The following PCSK2 variants were observed in gnomAD, a reference collection of about 807,000 sequenced individuals.
The protein encoded by PCSK2 is proprotein convertase subtilisin/kexin type 2.
In PCSK2, 14 loss-of-function variants were observed where a neutral mutation model predicts 69.7. The observed-to-expected ratio is 0.20, with a 90% CI of 0.13 to 0.31. The LOEUF (loss-of-function observed/expected upper bound fraction) is 0.31. PCSK2 is among the 10% of genes least tolerant of loss of function. PCSK2 has a pLI of 1.00. For synonymous variants in PCSK2, 307 were observed against 320.7 expected, an observed-to-expected ratio of 0.96 and a Z score of 0.46; for missense variants, 544 against 842.5, an observed-to-expected ratio of 0.65 and a Z score of 4.39.
chr20:17,335,857 G>GGTGT (rs3138653), intron 2 of PCSK2, among the ~76,000 whole-genome samples: 34,835 of 142,502 alleles, frequency 0.24, 4,213 homozygotes, highest in Non-Finnish European at 0.28. Flanking sequence ...AGTAGTCCAT[G>GGTGT]GTGTGTGTGT....
intron 2 of PCSK2, among the ~76,000 whole-genome samples, chr20:17,323,154 C>T (rs373185585): frequency 1.4e-4 from 22 of 152,250 alleles, no homozygotes; most frequent in South Asian, 1.0e-3. Flanking sequence ...CGTGAGTCAC[C>T]GCACCCAGCC....
At chr20:17,398,304 C>T (rs1357974785) in intron 5 of PCSK2, among the ~76,000 whole-genome samples, 2 of 151,976 alleles carry the variant, frequency 1.3e-5, no homozygotes, top group Admixed American at 1.3e-4. Context: ...GTGGGAGGGT[C>T]GCTTGAGGCC....
intron 2 of PCSK2, among the ~76,000 whole-genome samples, chr20:17,295,944 G>A (rs1988878717): frequency 6.6e-6 from 1 of 152,172 alleles, no homozygotes; most frequent in Non-Finnish European, 1.5e-5. Flanking sequence ...TGATAGCAGG[G>A]CATCCACAAA....
chr20:17,439,224 C>T (rs994958018), intron 8 of PCSK2, among the ~76,000 whole-genome samples: 1 of 152,126 alleles, frequency 6.6e-6, no homozygotes, highest in African/African-American at 2.4e-5. Flanking sequence ...CAGCCTCAAC[C>T]TCCTGGGCTC....
At chr20:17,369,211 G>C (rs373631538) in intron 4 of PCSK2, 29 bp from the exon 5 acceptor site, 53 of 1,608,064 alleles carry the variant, frequency 3.3e-5, no homozygotes, top group Admixed American at 5.0e-5. Context: ...TTAACCTTTG[G>C]TTCCTGTGTT....
At chr20:17,353,743 A>T (rs2030094225) in intron 2 of PCSK2, among the ~76,000 whole-genome samples, 1 of 152,242 alleles carries the variant, frequency 6.6e-6, no homozygotes, top group Non-Finnish European at 1.5e-5. Context: ...AAATCAACCT[A>T]GGTACCCATC....
At chr20:17,362,297 C>A (rs116916993) in intron 4 of PCSK2, among the ~76,000 whole-genome samples, 1 of 152,216 alleles carries the variant, frequency 6.6e-6, no homozygotes, top group South Asian at 2.1e-4. Flanking sequence ...CTCTGCCCCC[C>A]AATTACAATT....
At chr20:17,309,536 T>C (rs1989433617) in intron 2 of PCSK2, among the ~76,000 whole-genome samples, 1 of 152,094 alleles carries the variant, frequency 6.6e-6, no homozygotes. Context: ...AGAAAAGAGA[T>C]GCTGGGCATG....
chr20:17,267,633 A>G (rs1407960325), intron 2 of PCSK2, among the ~76,000 whole-genome samples: 3 of 152,298 alleles, frequency 2.0e-5, no homozygotes, highest in Admixed American at 1.3e-4. Flanking sequence ...GCTGCTAATG[A>G]GTAAGCCTGG....
At chr20:17,280,161 A>G (rs1600444041) in intron 2 of PCSK2, among the ~76,000 whole-genome samples, 1 of 152,318 alleles carries the variant, frequency 6.6e-6, no homozygotes, top group African/African-American at 2.4e-5. Flanking sequence ...TTTTTAACCA[A>G]AATTGAATTG....
At chr20:17,339,700 G>A (rs1990454449) in intron 2 of PCSK2, among the ~76,000 whole-genome samples, 1 of 151,964 alleles carries the variant, frequency 6.6e-6, no homozygotes. Context: ...TTGTTTGTTT[G>A]TTTTCCAGGA....
At chr20:17,427,273 A>G (rs1208046035) in intron 6 of PCSK2, among the ~76,000 whole-genome samples, 2 of 152,224 alleles carry the variant, frequency 1.3e-5, no homozygotes, top group East Asian at 1.9e-4. Flanking sequence ...TAAGTGTAGT[A>G]CATATATAAA....
intron 6 of PCSK2, among the ~76,000 whole-genome samples, chr20:17,413,428 G>C (rs2031924163): frequency 6.6e-6 from 1 of 152,070 alleles, no homozygotes; most frequent in Non-Finnish European, 1.5e-5. Flanking sequence ...GATCAAAAGA[G>C]ACAAAGAAGA....
chr20:17,326,415 T>A (rs1395488871), intron 2 of PCSK2, among the ~76,000 whole-genome samples: 1 of 152,176 alleles, frequency 6.6e-6, no homozygotes, highest in African/African-American at 2.4e-5. Context: ...GAATCCTAGA[T>A]GAGATTATAG....
chr20:17,305,281 G>A lies in PCSK2; in HGVS notation c.282+44937G>A, dbSNP rs142784325. Reference sequence around the variant, plus strand: ...ATTTTAAATATCAGAAGATTCTGTCGCTTTTCTGAAAAAGGGGACAGGATA... The same window carrying A: ...ATTTTAAATATCAGAAGATTCTGTCACTTTTCTGAAAAAGGGGACAGGATA... On this transcript the variant is annotated intron_variant, in intron 2 of 11. Transcript: ENST00000262545. Among the ~76,000 whole-genome samples the A allele has an allele frequency of 4.9e-4, 74 of 152,158 alleles. 2 individuals carry two copies. In the South Asian group the frequency reaches 7.3e-3, roughly 15 times the overall value.
At chr20:17,284,167 T>C (rs746253549) in intron 2 of PCSK2, among the ~76,000 whole-genome samples, 1 of 152,198 alleles carries the variant, frequency 6.6e-6, no homozygotes, top group African/African-American at 2.4e-5. Context: ...AAAGGTATCA[T>C]TGTTCTCACT....
At chr20:17,322,601 G>T (rs925843099) in intron 2 of PCSK2, among the ~76,000 whole-genome samples, 1 of 152,148 alleles carries the variant, frequency 6.6e-6, no homozygotes, top group Non-Finnish European at 1.5e-5. Context: ...TCACAGTTCT[G>T]GAGGCTGGTA....
At chr20:17,347,469 A>C (rs1267421090) in intron 2 of PCSK2, among the ~76,000 whole-genome samples, 2 of 152,006 alleles carry the variant, frequency 1.3e-5, no homozygotes, top group Non-Finnish European at 2.9e-5. Flanking sequence ...CACTTCCATC[A>C]ATCGCTTTTG....
At position 17,482,357 on chromosome 20, in the gene PCSK2, A is replaced by AAAAC. The variant is rs1323481013; in HGVS notation, c.*290_*291insCAAA. The AAAAC allele has an allele frequency of 5.0e-6, 1 of 200,918 alleles. No homozygotes were observed. The highest frequency in any genetic ancestry group is 5.9e-5 in the Admixed American group (1 of 16,882). The allele number at this position is 200,918 out of a possible 1,614,324, so 12.4% of individuals were successfully genotyped here. A position where few individuals can be genotyped will look rare whatever the true frequency, so the allele number is the denominator to read the frequency against. On this transcript the variant is annotated 3_prime_UTR_variant, in exon 12 of 12. Coordinates refer to ENST00000262545, the MANE Select transcript of PCSK2 (RefSeq NM_002594.5). ...GTGATATCCTGAAAAAAAAAAAAAAAAAAAAACTGGGACAGCTTTCCCCTC... is the reference window on the plus strand; with the variant it reads ...GTGATATCCTGAAAAAAAAAAAAAAAAAACAAAAAACTGGGACAGCTTTCCCCTC...
Sources: allele counts gnomAD v4.1 joint callset (sites outside exome capture counted in the v4.1 genomes callset), GRCh38; gene constraint gnomAD v4.1.1; transcripts MANE v1.5; gene names NCBI Gene and HGNC (gene_info 2026-07-23, HGNC 2026-07-21).